Variants in SUMF1 observed in about 807,000 individuals in gnomAD.
SUMF1 encodes sulfatase modifying factor 1, also known as formylglycine-generating enzyme.
Under a neutral mutation model 47.6 loss-of-function variants are expected in SUMF1, and 48 were observed. The observed-to-expected ratio is 1.01, with a 90% CI of 0.80 to 1.28. The LOEUF is 1.28. Ranked by LOEUF, SUMF1 falls within the 50% of genes most tolerant of loss-of-function variation. SUMF1 has a pLI of 0.00. For synonymous variants in SUMF1, 230 were observed against 192.1 expected (o/e 1.20, Z -1.63); for missense variants, 571 against 485.4 (o/e 1.18, Z -1.66).
chr3:4,431,413 C>A (rs1355633657), intron 3 of SUMF1, among the ~76,000 whole-genome samples: 2 of 152,216 alleles, frequency 1.3e-5, no homozygotes, highest in African/African-American at 2.4e-5. Flanking sequence ...AACCAATCAG[C>A]ATGCATTCCC....
intron 8 of SUMF1, among the ~76,000 whole-genome samples, chr3:4,069,379 T>C (rs1695462806): frequency 6.6e-6 from 1 of 152,196 alleles, no homozygotes; most frequent in Non-Finnish European, 1.5e-5. Context: ...AGTGCCACAC[T>C]TGGTTAAATA....
chr3:4,391,582 A>G (rs1700865043), intron 7 of SUMF1, among the ~76,000 whole-genome samples: 1 of 151,928 alleles, frequency 6.6e-6, no homozygotes, highest in South Asian at 2.1e-4. Context: ...TCGTGGGCCC[A>G]GGAGATCTTT....
At chr3:4,234,623 AAAG>A (rs1452529798) in intron 8 of SUMF1, among the ~76,000 whole-genome samples, 1 of 152,248 alleles carries the variant, frequency 6.6e-6, no homozygotes, top group East Asian at 1.9e-4. Context: ...ATATGCTCCA[AAAG>A]AAGAAGTAAA....
At chr3:4,129,574 C>G (rs1197364205) in intron 8 of SUMF1, among the ~76,000 whole-genome samples, 1 of 152,144 alleles carries the variant, frequency 6.6e-6, no homozygotes, top group Non-Finnish European at 1.5e-5. Flanking sequence ...AGGCCGGGTT[C>G]TCTTAAGGAA....
chr3:4,148,193 G>T (rs1694239148), intron 8 of SUMF1, among the ~76,000 whole-genome samples: 2 of 152,166 alleles, frequency 1.3e-5, no homozygotes, highest in African/African-American at 4.8e-5. Context: ...AGCTAATCAG[G>T]CGAAGAAAAG....
chr3:4,151,306 T>G (rs1241433356), intron 8 of SUMF1, among the ~76,000 whole-genome samples: 3 of 148,746 alleles, frequency 2.0e-5, no homozygotes, highest in Non-Finnish European at 4.4e-5. Context: ...CTGCTGCTAG[T>G]CTGGGGTGCT....
chr3:4,158,543 T>A (rs1694505305), intron 8 of SUMF1, among the ~76,000 whole-genome samples: 1 of 151,500 alleles, frequency 6.6e-6, no homozygotes, highest in Non-Finnish European at 1.5e-5. Flanking sequence ...GAAAGTGGGG[T>A]GTTGAAGTCT....
At chr3:4,278,084 C>A (rs1291228475) in intron 8 of SUMF1, among the ~76,000 whole-genome samples, 2 of 151,784 alleles carry the variant, frequency 1.3e-5, no homozygotes, top group Non-Finnish European at 2.9e-5. Context: ...AATTGAACAC[C>A]CAGATTTGTT....
At position 4,267,687 on chromosome 3, in the gene SUMF1, T is replaced by C. The variant is rs563037420; in HGVS notation, c.1014+108643A>G. Among the ~76,000 whole-genome samples the C allele has an allele frequency of 2.0e-5, 3 of 151,610 alleles. No individual in the cohort carries two copies. The South Asian group carries it at 6.3e-4, about 32-fold the overall frequency. On this transcript the variant is annotated intron_variant and NMD_transcript_variant, in intron 8 of 12. Coordinates refer to the SUMF1 transcript ENST00000448413. ...AATGCAAATCAAAACCACAATGAGA[T>C]ATCATCTCACACCAGTTAGAATGGC...
chr3:4,452,510 G>C (rs903725819), intron 2 of SUMF1, among the ~76,000 whole-genome samples: 2 of 152,240 alleles, frequency 1.3e-5, no homozygotes, highest in African/African-American at 4.8e-5. Flanking sequence ...CATGCCATCT[G>C]TTATCTCAAA....
rs184253164 is a variant in SUMF1 at position 4,246,698 on chromosome 3, C to G, written c.1014+129632G>C. Among the ~76,000 whole-genome samples the G allele has an allele frequency of 2.7e-3, 406 of 152,262 alleles. 4 individuals are homozygous for G. Among genetic ancestry groups the G allele is most frequent in the African/African-American group, 9.5e-3 (395 of 41,554 alleles). ...TACAGGCGTGAGCTACCGCACCCAG[C>G]CTTTTTCTCTGTTTCTTGATGTCTT... On this transcript the variant is annotated intron_variant and NMD_transcript_variant, in intron 8 of 12. Transcript: ENST00000448413.
intron 8 of SUMF1, among the ~76,000 whole-genome samples, chr3:4,201,899 G>C (rs956823812): frequency 6.6e-6 from 1 of 151,782 alleles, no homozygotes; most frequent in Non-Finnish European, 1.5e-5. Context: ...ATACCTGTTT[G>C]CCATTTGAGC....
At chr3:4,205,840 T>C (rs115581875) in intron 8 of SUMF1, among the ~76,000 whole-genome samples, 3,863 of 152,216 alleles carry the variant, frequency 0.025, 172 homozygotes, top group African/African-American at 0.088. Flanking sequence ...AGCATCCCTA[T>C]GGCCACTACC....
chr3:4,112,089 C>G (rs1040243735), intron 8 of SUMF1, among the ~76,000 whole-genome samples: 1 of 151,950 alleles, frequency 6.6e-6, no homozygotes, highest in Non-Finnish European at 1.5e-5. Context: ...TATTTCTAAT[C>G]TGAGACAAAA....
chr3:4,362,972 G>A (rs560081417), intron 8 of SUMF1, among the ~76,000 whole-genome samples: 2 of 152,026 alleles, frequency 1.3e-5, no homozygotes, highest in Admixed American at 6.6e-5. Context: ...GTGTATATGT[G>A]GTATGACCAC....
chr3:4,426,026 T>A (rs1702057178), intron 3 of SUMF1, among the ~76,000 whole-genome samples: 1 of 152,088 alleles, frequency 6.6e-6, no homozygotes, highest in Non-Finnish European at 1.5e-5. Flanking sequence ...CATGATTCAA[T>A]CACCTACCAC....
intron 9 of SUMF1, among the ~76,000 whole-genome samples, chr3:4,059,271 A>G (rs1233454459): frequency 6.6e-6 from 1 of 152,160 alleles, no homozygotes; most frequent in Non-Finnish European, 1.5e-5. Flanking sequence ...ATGAGCATCT[A>G]ACACAATTTG....
chr3:4,375,134 C>CAAA (rs376228362), intron 8 of SUMF1, among the ~76,000 whole-genome samples: 11 of 73,236 alleles, frequency 1.5e-4, no homozygotes, highest in East Asian at 4.4e-4. Context: ...GACTCTGTCT[C>CAAA]AAAAAAAAAA....
chr3:4,069,824 T>C (rs1415389268), intron 8 of SUMF1, among the ~76,000 whole-genome samples: 2 of 152,226 alleles, frequency 1.3e-5, no homozygotes, highest in Non-Finnish European at 2.9e-5. Flanking sequence ...ATATATTTTC[T>C]TGCCACACTT....
Sources: allele counts gnomAD v4.1 joint callset (sites outside exome capture counted in the v4.1 genomes callset), GRCh38; gene constraint gnomAD v4.1.1; transcripts MANE v1.5; gene names NCBI Gene and HGNC (gene_info 2026-07-23, HGNC 2026-07-21).